USP9Y: variants seen among roughly 807,000 people sequenced by gnomAD.
USP9Y encodes the protein ubiquitin carboxyl-terminal hydrolase 9Y.
In USP9Y, 41 loss-of-function variants were observed where a neutral mutation model predicts 53.1. The ratio of observed to expected loss-of-function variants is 0.77; its 90% CI spans 0.60 to 1.00. USP9Y has a LOEUF of 1.00. USP9Y is among the 50% of genes least tolerant of loss of function. The pLI, the probability that USP9Y is intolerant of heterozygous loss-of-function variation, is 0.00. For missense variants in USP9Y, 567 were observed against 535.8 expected, an observed-to-expected ratio of 1.06 and a Z score of -0.58; for synonymous variants, 220 against 173.7, an observed-to-expected ratio of 1.27 and a Z score of -2.09.
At chrY:12,779,693 A>G in intron 22 of USP9Y, 47 bp downstream of exon 22, 1 of 367,364 alleles carries the variant, frequency 2.7e-6, no homozygotes, top group South Asian at 3.0e-5. Context: ...GATGCTCATA[A>G]CTACATGATG....
intron 21 of USP9Y, among the ~76,000 whole-genome samples, chrY:12,779,024 A>G (rs893548011): frequency 3.0e-5 from 1 of 33,172 alleles, no homozygotes; most frequent in Admixed American, 2.8e-4. Flanking sequence ...TTAAAGAAAA[A>G]TAGGATGTAT....
chrY:12,737,985 T>A, intron 10 of USP9Y, among the ~76,000 whole-genome samples, 172 bp from the exon 11 acceptor site: 1 of 34,013 alleles, frequency 2.9e-5, no homozygotes, highest in Non-Finnish European at 7.3e-5. Context: ...TAATTTTGAA[T>A]TAACACAACA....
chrY:12,776,853 A>G lies in USP9Y; in HGVS notation c.2632A>G (p.Met878Val). The change falls in exon 19 of 46, where the codon ATG (methionine) becomes GTG (valine). Residue 878 changes from methionine to valine, a missense_variant. Physicochemically the swap from Met to Val is conservative, Grantham distance 21. Coordinates refer to ENST00000338981, the MANE Select transcript of USP9Y (RefSeq NM_004654.4). ...DYHKERMILP[M>V]SRAFRGKHLS... ...TCACAAGGAAAGAATGATTCTACCT[A>G]TGTCGAGGTTTGTGTGAAGTTGATC... 1 of 393,211 alleles carries G rather than the reference A, an allele frequency of 2.5e-6. No individual in the cohort carries two copies. Among genetic ancestry groups the G allele is most frequent in the South Asian group, 3.0e-5 (1 of 33,636 alleles).
At chrY:12,781,614 G>A in intron 22 of USP9Y, among the ~76,000 whole-genome samples, 1 of 34,129 alleles carries the variant, frequency 2.9e-5, no homozygotes, top group Non-Finnish European at 7.3e-5. Context: ...CTAAGCTTAT[G>A]TAGTGTAATA....
chrY:12,856,507 T>G lies in USP9Y; in HGVS notation c.7221+11T>G. The G allele has an allele frequency of 2.5e-6, 1 of 396,602 alleles. No individual in the cohort carries two copies. Among genetic ancestry groups the G allele is most frequent in the Non-Finnish European group, 3.5e-6 (1 of 282,717 alleles). The stretch of plus-strand genomic sequence containing the variant: ...TACCAGATCTTACAGGTGAGGGTTT[T>G]TCTCTTATAAATTTGTAGAAACCTC... On this transcript the variant is annotated intron_variant, in intron 43 of 45. Coordinates refer to ENST00000338981, the MANE Select transcript of USP9Y (RefSeq NM_004654.4).
intron 24 of USP9Y, among the ~76,000 whole-genome samples, chrY:12,787,485 C>G (rs748437003): frequency 3.0e-5 from 1 of 33,002 alleles, no homozygotes; most frequent in South Asian, 6.8e-4. Flanking sequence ...CATTATTGAC[C>G]TAAGATAAAA....
At chrY:12,792,896 C>T in intron 26 of USP9Y, 136 bp from the exon 27 acceptor site, 2 of 200,313 alleles carry the variant, frequency 1.0e-5, no homozygotes, top group Non-Finnish European at 1.8e-5. Context: ...CCCAAAGAGC[C>T]TCTCTAGCCG....
rs774865769 is a variant in USP9Y, at chrY:12,755,509, C to T, written c.1423-1683C>T. Among the ~76,000 whole-genome samples, 7 of 32,992 alleles carry T rather than the reference C, an allele frequency of 2.1e-4. No homozygotes were observed. The East Asian group carries it at 5.5e-3, about 26-fold the overall frequency. The allele number at this position is 32,992 out of a possible 37,273, so 88.5% of individuals were successfully genotyped here. On this transcript the variant is annotated intron_variant, in intron 12 of 45. Coordinates refer to ENST00000338981, the MANE Select transcript of USP9Y (RefSeq NM_004654.4). ...CACTTAATAATACAAAGAATCCCTGCTACCCCTTGCTATCATATTTTTATG... is the reference window on the plus strand; with the variant it reads ...CACTTAATAATACAAAGAATCCCTGTTACCCCTTGCTATCATATTTTTATG...
At chrY:12,776,112 A>G (rs2053492216) in intron 18 of USP9Y, among the ~76,000 whole-genome samples, 1 of 30,321 alleles carries the variant, frequency 3.3e-5, no homozygotes. Context: ...GTTTACAGGC[A>G]TGAGCCACAT....
chrY:12,716,825 G>A, intron 3 of USP9Y, among the ~76,000 whole-genome samples: 1 of 32,728 alleles, frequency 3.1e-5, no homozygotes, highest in Non-Finnish European at 7.5e-5. Flanking sequence ...AGCCAGGATG[G>A]TCTTGATCTC....
At chrY:12,796,565 G>C in intron 27 of USP9Y, among the ~76,000 whole-genome samples, 2 of 30,610 alleles carry the variant, frequency 6.5e-5, no homozygotes, top group Non-Finnish European at 1.6e-4. Context: ...TGTCAGGAAG[G>C]GGTGGGGGAG....
At chrY:12,713,675 A>C (rs955651457) in intron 3 of USP9Y, among the ~76,000 whole-genome samples, 1 of 32,480 alleles carries the variant, frequency 3.1e-5, no homozygotes, top group African/African-American at 1.2e-4. Context: ...GTGTAATTCT[A>C]ATCATTGCTT....
chrY:12,703,787 A>G (rs2053417823), intron 1 of USP9Y, among the ~76,000 whole-genome samples: 1 of 33,277 alleles, frequency 3.0e-5, no homozygotes, highest in South Asian at 6.8e-4. Context: ...GTGCTGATTG[A>G]TCCATTTGAC....
intron 16 of USP9Y, among the ~76,000 whole-genome samples, chrY:12,773,230 C>T: frequency 3.0e-5 from 1 of 33,065 alleles, no homozygotes; most frequent in African/African-American, 1.2e-4. Context: ...CTCTGAAAGT[C>T]ATTTAGTGTA....
intron 33 of USP9Y, among the ~76,000 whole-genome samples, chrY:12,829,318 T>C: frequency 2.9e-5 from 1 of 34,160 alleles, no homozygotes; most frequent in African/African-American, 1.1e-4. Flanking sequence ...TGGAAAATAA[T>C]GTATACTAAT....
At position 12,846,432 on chromosome Y, in the gene USP9Y, A is replaced by G; in HGVS notation, c.6668A>G (p.Tyr2223Cys). The stretch of plus-strand genomic sequence containing the variant: ...CCAGGTCCTCCAATCAAATATCAGT[A>G]TGCTGAATTAGGCAAGTTATATTCA... Reference protein sequence around the residue: ...EGPGPPIKYQYAELGKLYSVV... With the variant: ...EGPGPPIKYQCAELGKLYSVV... The change falls in exon 40 of 46, where the codon TAT (tyrosine) becomes TGT (cysteine). Residue 2223 changes from tyrosine (Y) to cysteine (C), a missense_variant. Transcript: ENST00000338981. 3 of 398,177 alleles carry G rather than the reference A, an allele frequency of 7.5e-6. No homozygotes were observed. The highest frequency in any genetic ancestry group is 1.1e-5 in the Non-Finnish European group (3 of 283,122).
At chrY:12,777,500 C>T in intron 19 of USP9Y, among the ~76,000 whole-genome samples, 1 of 33,203 alleles carries the variant, frequency 3.0e-5, no homozygotes. Flanking sequence ...ACTTTCTTAA[C>T]TGAAAAAATG....
Position 12,739,567 on chromosome Y carries a change from C to T in USP9Y, c.1360C>T (p.Leu454=). The T allele has an allele frequency of 2.5e-6, 1 of 396,304 alleles. No individual in the cohort carries two copies. The highest frequency in any genetic ancestry group is 6.2e-5 in the African/African-American group (1 of 16,258). The change falls in exon 12 of 46, where the codon CTA becomes TTA. Residue 454 remains leucine, a synonymous_variant. Coordinates refer to ENST00000338981, the MANE Select transcript of USP9Y (RefSeq NM_004654.4). Reference sequence around the variant, plus strand: ...CATTGTGAAGAATGTACATGATCTGCTAGCAAAGTTGGCTTGGGATTTTTC... The same window carrying T: ...CATTGTGAAGAATGTACATGATCTGTTAGCAAAGTTGGCTTGGGATTTTTC... The part of the protein sequence containing the change: ...EAIVKNVHDL[L]AKLAWDFSPG...
chrY:12,715,392 C>A (rs2053429673), intron 3 of USP9Y, among the ~76,000 whole-genome samples: 1 of 28,593 alleles, frequency 3.5e-5, no homozygotes, highest in Non-Finnish European at 8.2e-5. Flanking sequence ...GATGTCGGCT[C>A]ACTGCAACCA....
Sources: allele counts gnomAD v4.1 joint callset (sites outside exome capture counted in the v4.1 genomes callset), GRCh38; gene constraint gnomAD v4.1.1; transcripts MANE v1.5; gene names NCBI Gene and HGNC (gene_info 2026-07-23, HGNC 2026-07-21).